Variants in SPMIP7 observed in about 807,000 individuals in gnomAD.
The protein encoded by SPMIP7 is protein SPMIP7.
the SPMIP7 span, among the ~76,000 whole-genome samples, chr7:50,121,074 T>C: frequency 6.6e-6 from 1 of 152,144 alleles, no homozygotes; most frequent in Non-Finnish European, 1.5e-5. Context: ...AGCCATCCTT[T>C]GTACATCAAA....
the SPMIP7 span, among the ~76,000 whole-genome samples, chr7:50,145,612 GTGTGTGTATA>G: frequency 4.7e-3 from 173 of 36,900 alleles, 16 homozygotes; most frequent in African/African-American, 0.011. Flanking sequence ...GTGTGTATAT[GTGTGTGTATA>G]TATATATATA....
At chr7:50,099,906 T>G in the SPMIP7 span, among the ~76,000 whole-genome samples, 27 of 152,280 alleles carry the variant, frequency 1.8e-4, no homozygotes, top group Middle Eastern at 3.4e-3. Flanking sequence ...CTATGTTGGA[T>G]TCATCAGAGT....
the SPMIP7 span, among the ~76,000 whole-genome samples, chr7:50,100,812 A>AAAATAAATAAATAAATAAAT: frequency 0.28 from 39,419 of 138,934 alleles, 6,600 homozygotes; most frequent in Non-Finnish European, 0.37. Flanking sequence ...ATGCCGTCCA[A>AAAATAAATAAATAAATAAAT]AAATAAATAA....
At chr7:50,135,995 G>T in the SPMIP7 span, 6 of 796,132 alleles carry the variant, frequency 7.5e-6, no homozygotes, top group Non-Finnish European at 8.5e-6. Flanking sequence ...GGAGCCTGGG[G>T]CATAGCTATG....
chr7:50,134,394 A>C, the SPMIP7 span: 1 of 608,538 alleles, frequency 1.6e-6, no homozygotes, highest in South Asian at 2.8e-5. Flanking sequence ...ATACACACAC[A>C]CACACACACA....
chr7:50,151,556 C>A, the SPMIP7 span: 1 of 1,540,080 alleles, frequency 6.5e-7, no homozygotes, highest in Non-Finnish European at 8.8e-7. Flanking sequence ...AGAACTGCAC[C>A]GGTAAGTATG....
chr7:50,152,885 C>T, the SPMIP7 span, among the ~76,000 whole-genome samples: 1 of 152,022 alleles, frequency 6.6e-6, no homozygotes, highest in Non-Finnish European at 1.5e-5. Context: ...CAGGGTTTCC[C>T]CATGTTGGCC....
chr7:50,125,275 C>CCCATATAT, the SPMIP7 span, among the ~76,000 whole-genome samples: 5 of 79,502 alleles, frequency 6.3e-5, no homozygotes, highest in African/African-American at 1.9e-4. Flanking sequence ...CATATATATA[C>CCCATATAT]ACATATATAC....
At chr7:50,132,649 A>G in the SPMIP7 span, among the ~76,000 whole-genome samples, 2 of 152,140 alleles carry the variant, frequency 1.3e-5, no homozygotes. Flanking sequence ...AATACTAGTC[A>G]GATATGGTAG....
chr7:50,146,761 G>A, the SPMIP7 span, among the ~76,000 whole-genome samples: 1 of 152,174 alleles, frequency 6.6e-6, no homozygotes, highest in African/African-American at 2.4e-5. Context: ...GTCCAAGCCT[G>A]GAATTTACTA....
chr7:50,149,995 C>A, the SPMIP7 span, among the ~76,000 whole-genome samples: 1 of 152,236 alleles, frequency 6.6e-6, no homozygotes, highest in East Asian at 1.9e-4. Context: ...ACATGGGGAA[C>A]CGGGGACTGA....
the SPMIP7 span, among the ~76,000 whole-genome samples, chr7:50,110,029 T>A: frequency 1.3e-5 from 2 of 152,118 alleles, no homozygotes. Context: ...TACACAATCA[T>A]TCATAAAATT....
At chr7:50,110,546 A>G in the SPMIP7 span, among the ~76,000 whole-genome samples, 17 of 144,432 alleles carry the variant, frequency 1.2e-4, no homozygotes, top group Non-Finnish European at 2.4e-4. Context: ...TTTGATATAT[A>G]TTATATGCTT....
chr7:50,109,204 A>G, the SPMIP7 span, among the ~76,000 whole-genome samples: 2 of 152,172 alleles, frequency 1.3e-5, no homozygotes, highest in African/African-American at 2.4e-5. Context: ...GAATTTACCT[A>G]TTTATGGCTC....
chr7:50,115,034 A>G, the SPMIP7 span, among the ~76,000 whole-genome samples: 1 of 151,562 alleles, frequency 6.6e-6, no homozygotes, highest in Admixed American at 6.6e-5. Flanking sequence ...TGTCTCCAAA[A>G]AAAAAAAAAA....
At chr7:50,111,610 A>G in the SPMIP7 span, among the ~76,000 whole-genome samples, 6 of 152,168 alleles carry the variant, frequency 3.9e-5, no homozygotes, top group African/African-American at 1.4e-4. Flanking sequence ...CTTCGAGCAT[A>G]CTTATCTATG....
the SPMIP7 span, chr7:50,142,490 T>C: frequency 6.6e-6 from 1 of 152,240 alleles, no homozygotes. Context: ...AGATATTAAC[T>C]GTACTTACCT....
At chr7:50,123,980 G>A in the SPMIP7 span, among the ~76,000 whole-genome samples, 1 of 152,174 alleles carries the variant, frequency 6.6e-6, no homozygotes, top group South Asian at 2.1e-4. Context: ...ACAGCTATAT[G>A]CTATTTACAA....
chr7:50,148,403 C>A, the SPMIP7 span, among the ~76,000 whole-genome samples: 4 of 152,216 alleles, frequency 2.6e-5, no homozygotes, highest in East Asian at 3.9e-4. Context: ...TTTTATCAAG[C>A]CTTTCATGTG....
Sources: allele counts gnomAD v4.1 joint callset (sites outside exome capture counted in the v4.1 genomes callset), GRCh38; gene constraint gnomAD v4.1.1; transcripts MANE v1.5; gene names NCBI Gene and HGNC (gene_info 2026-07-23, HGNC 2026-07-21).